The following MAPT variants were observed in gnomAD, a reference collection of about 807,000 sequenced individuals.
MAPT encodes microtubule associated protein tau, also known as microtubule-associated protein tau.
A neutral mutation model predicts 67.9 loss-of-function variants in MAPT; 34 were observed. That is an observed-to-expected ratio of 0.50 (90% confidence interval 0.38 to 0.67). MAPT has a LOEUF of 0.67. MAPT is among the 30% of genes least tolerant of loss of function. The probability of loss-of-function intolerance (pLI) is 0.00; values close to 1 mark genes in which losing one functional copy is unlikely to be tolerated. For synonymous variants in MAPT, 456 were observed against 464.5 expected, an observed-to-expected ratio of 0.98 and a Z score of 0.23; for missense variants, 881 against 1,115.2, an observed-to-expected ratio of 0.79 and a Z score of 2.99.
intron 3 of MAPT, chr17:45,974,007 A>G (rs965987678): frequency 3.7e-6 from 1 of 267,596 alleles, no homozygotes; most frequent in South Asian, 4.6e-5. Context: ...AGGCCCCCGC[A>G]CTAACCCCAG....
rs779560056 is a variant in MAPT at position 45,989,940 on chromosome 17, C to A, written c.1470C>A (p.Pro490=). 3 of 1,614,052 alleles carry A rather than the reference C, an allele frequency of 1.9e-6. No homozygotes were observed. Among genetic ancestry groups the A allele is most frequent in the South Asian group, 2.2e-5 (2 of 91,090 alleles). ...GGCCTTGCCTTAGCCCCAAACACCC[C>A]ACTCCTGGTAGCTCAGACCCTCTGA... The part of the protein sequence containing the change: ...KNRPCLSPKH[P]TPGSSDPLIQ... Residue 490 remains proline, a synonymous_variant, in exon 7 of 13, where the codon CCC becomes CCA. Coordinates refer to ENST00000262410, the MANE Select transcript of MAPT (RefSeq NM_001377265.1).
chr17:45,944,372 C>G (rs1454873768), intron 1 of MAPT, among the ~76,000 whole-genome samples: 4 of 152,222 alleles, frequency 2.6e-5, no homozygotes, highest in African/African-American at 9.6e-5. Flanking sequence ...GCCTCCACCT[C>G]CAAACTCAGG....
chr17:45,974,176 A>T (rs544912852), intron 3 of MAPT: 204 of 597,796 alleles, frequency 3.4e-4, no homozygotes, highest in Middle Eastern at 1.3e-3. Context: ...TGGGCGGTTC[A>T]TGAGCCAGAA....
chr17:45,954,600 G>A (rs1404223592), intron 1 of MAPT, among the ~76,000 whole-genome samples: 1 of 152,132 alleles, frequency 6.6e-6, no homozygotes. Flanking sequence ...CTCAGCCTGG[G>A]CGACAGAGCA....
intron 1 of MAPT, among the ~76,000 whole-genome samples, chr17:45,960,602 A>G (rs2070282252): frequency 1.3e-5 from 2 of 152,210 alleles, no homozygotes; most frequent in African/African-American, 4.8e-5. Context: ...CATTTTCTAT[A>G]ATAAGGTTGT....
At chr17:46,023,300 A>C (rs62062294) in intron 12 of MAPT, among the ~76,000 whole-genome samples, 21,812 of 152,280 alleles carry the variant, frequency 0.14, 2,135 homozygotes, top group Non-Finnish European at 0.22. Flanking sequence ...GTAATCACTA[A>C]AGGCGGGAGC....
chr17:45,956,464 T>C (rs954350522), intron 1 of MAPT, among the ~76,000 whole-genome samples: 9 of 151,628 alleles, frequency 5.9e-5, no homozygotes, highest in Non-Finnish European at 7.4e-5. Flanking sequence ...AACCACTGCA[T>C]TGGGGACCAC....
intron 4 of MAPT, among the ~76,000 whole-genome samples, chr17:45,981,879 A>ACC (rs1265492975): frequency 1.3e-5 from 2 of 152,068 alleles, no homozygotes; most frequent in African/African-American, 4.8e-5. Context: ...TTTTAGTCAG[A>ACC]CGTGGTGGCA....
chr17:45,931,746 AGTTTGTGGTTCACATG>A, intron 1 of MAPT: 2 of 152,356 alleles, frequency 1.3e-5, no homozygotes, highest in South Asian at 4.1e-4. Flanking sequence ...AAAATATTAC[AGTTTGTGGTTCACATG>A]CTGTCTCACT....
chr17:45,941,068 G>A (rs972289850), intron 1 of MAPT, among the ~76,000 whole-genome samples: 1 of 152,164 alleles, frequency 6.6e-6, no homozygotes, highest in African/African-American at 2.4e-5. Flanking sequence ...GCCAGCCAGA[G>A]GGCTCCTGTT....
At chr17:45,976,332 T>C (rs989273216) in intron 3 of MAPT, 4 of 152,188 alleles carry the variant, frequency 2.6e-5, no homozygotes, top group African/African-American at 9.7e-5. Context: ...GTGTCCTCAA[T>C]GTATTGCCTT....
At chr17:45,986,928 C>T in intron 5 of MAPT, 112 bp from the exon 6 acceptor site, 1 of 892,862 alleles carries the variant, frequency 1.1e-6, no homozygotes, top group Non-Finnish European at 1.8e-6. Flanking sequence ...TCCACCAGAC[C>T]CAACTAAACA....
rs1315271137 is a variant in MAPT at position 45,897,125 on chromosome 17, G to A, written c.-18+2439G>A. On this transcript the variant is annotated intron_variant, in intron 1 of 12. Transcript: ENST00000262410. The surrounding 1 kb of genome is among the most constrained non-coding windows in gnomAD (Gnocchi z 5.0). ...GGCCCGCCGCGAGGGGTTGCAGAGC[G>A]GCTCAGGGATCGATTCAAGCATCGT... 1 of 152,290 alleles carries A rather than the reference G, an allele frequency of 6.6e-6. No individual in the cohort carries two copies. The highest frequency in any genetic ancestry group is 1.5e-5 in the Non-Finnish European group (1 of 68,094). The allele number at this position is 152,290 out of a possible 1,614,324, so 9.4% of individuals were successfully genotyped here.
At chr17:45,944,381 G>C (rs1878906388) in intron 1 of MAPT, among the ~76,000 whole-genome samples, 1 of 152,206 alleles carries the variant, frequency 6.6e-6, no homozygotes, top group Non-Finnish European at 1.5e-5. Context: ...TCCAAACTCA[G>C]GGGCCCAGGG....
intron 3 of MAPT, chr17:45,974,300 G>C: frequency 4.2e-6 from 4 of 950,718 alleles, no homozygotes; most frequent in South Asian, 4.1e-5. Context: ...CCTCCTCCCT[G>C]CATTGCTCCT....
chr17:46,018,767 G>A, intron 12 of MAPT, 37 bp downstream of exon 12: 2 of 1,381,448 alleles, frequency 1.4e-6, no homozygotes, highest in African/African-American at 1.4e-5. Context: ...CTGCCCTTGG[G>A]TATATGGGCA....
chr17:45,992,403 C>T (rs1182873484), intron 8 of MAPT, among the ~76,000 whole-genome samples: 1 of 152,186 alleles, frequency 6.6e-6, no homozygotes, highest in Non-Finnish European at 1.5e-5. Flanking sequence ...CAATGGGTGA[C>T]GTCACTCAGG....
intron 11 of MAPT, among the ~76,000 whole-genome samples, chr17:46,017,602 C>G (rs576511497): frequency 6.6e-6 from 1 of 150,624 alleles, no homozygotes; most frequent in Non-Finnish European, 1.5e-5. Flanking sequence ...TACAGGTGCC[C>G]GCCACCATGC....
In MAPT at chr17:45,971,750, A is replaced by G; in HGVS notation, c.134-109A>G. ...GAGGCCGTGTTCCAGCTGTTTCCAC[A>G]GGGAGCGATTTTCAGCTCCACAGGA... On this transcript the variant is annotated intron_variant, in intron 2 of 12. Coordinates refer to ENST00000262410, the MANE Select transcript of MAPT (RefSeq NM_001377265.1). The surrounding 1 kb of genome is among the most constrained non-coding windows in gnomAD (Gnocchi z 4.3). 1.2e-6 allele frequency: 1 copy of G among 810,874 alleles called. No homozygotes were observed. The highest frequency in any genetic ancestry group is 1.9e-5 in the Admixed American group (1 of 52,314). 50.2% of individuals were successfully genotyped at this position (810,874 alleles called of 1,614,324 possible).
Sources: allele counts gnomAD v4.1 joint callset (sites outside exome capture counted in the v4.1 genomes callset), GRCh38; gene constraint gnomAD v4.1.1; non-coding constraint Gnocchi (gnomAD v3.1); transcripts MANE v1.5; gene names NCBI Gene and HGNC (gene_info 2026-07-23, HGNC 2026-07-21).